The following DPP6 variants were observed in gnomAD, a reference collection of about 807,000 sequenced individuals.
DPP6 encodes the protein A-type potassium channel modulatory protein DPP6.
Under a neutral mutation model 122.6 loss-of-function variants are expected in DPP6, and 69 were observed. That is an observed-to-expected ratio of 0.56 (90% confidence interval 0.46 to 0.69). DPP6 has a LOEUF of 0.69. DPP6 is among the 30% of genes least tolerant of loss of function. The pLI, the probability that DPP6 is intolerant of heterozygous loss-of-function variation, is 0.00. For synonymous variants in DPP6, 418 were observed against 433.1 expected (o/e 0.97, Z 0.43); for missense variants, 928 against 1,116.9 (o/e 0.83, Z 2.41).
At position 154,241,957 on chromosome 7, in the gene DPP6, A is replaced by G. The variant is rs1801650305; in HGVS notation, c.243+188894A>G. Reference sequence around the variant, plus strand: ...AGTAGATGTTAATCAAATTCTTTGCATGTGATTGCTCAGTCTCTTTTAACT... The same window carrying G: ...AGTAGATGTTAATCAAATTCTTTGCGTGTGATTGCTCAGTCTCTTTTAACT... On this transcript the variant is annotated intron_variant, in intron 1 of 25. Transcript: ENST00000377770. This position sits in a 1 kb window ranked among gnomAD's most constrained non-coding sequence, Gnocchi z 9.0. Among the ~76,000 whole-genome samples the G allele has an allele frequency of 6.6e-6, 1 of 152,286 alleles. No homozygotes were observed. The highest frequency in any genetic ancestry group is 2.4e-5 in the African/African-American group (1 of 41,566).
intron 4 of DPP6, among the ~76,000 whole-genome samples, chr7:154,555,540 A>G (rs964717963): frequency 1.1e-4 from 17 of 152,140 alleles, no homozygotes; most frequent in African/African-American, 3.9e-4. Flanking sequence ...TGGGTGCAGC[A>G]CACCAACATG....
chr7:154,239,818 CAAAA>C (rs146860382), intron 1 of DPP6, among the ~76,000 whole-genome samples: 1 of 91,806 alleles, frequency 1.1e-5, no homozygotes, highest in African/African-American at 3.2e-5. Context: ...ACTAAAACTA[CAAAA>C]AAAAAAAAAA....
intron 8 of DPP6, among the ~76,000 whole-genome samples, chr7:154,741,081 C>T (rs140314843): frequency 1.6e-3 from 242 of 152,336 alleles, no homozygotes; most frequent in African/African-American, 5.6e-3. Flanking sequence ...GTCACTCGTT[C>T]TGTGCGTTAG....
intron 1 of DPP6, among the ~76,000 whole-genome samples, chr7:154,044,681 G>T (rs1799931823): frequency 6.6e-6 from 1 of 152,184 alleles, no homozygotes; most frequent in South Asian, 2.1e-4. Context: ...TTAAGTGACG[G>T]TGAAAAATAA....
chr7:154,796,542 T>C (rs1240542870), intron 12 of DPP6, among the ~76,000 whole-genome samples: 5 of 152,360 alleles, frequency 3.3e-5, no homozygotes, highest in African/African-American at 1.2e-4. Context: ...TTCCACACTC[T>C]GACACTAAGA....
the DPP6 span, among the ~76,000 whole-genome samples, chr7:153,794,922 T>C: frequency 1.3e-5 from 2 of 152,162 alleles, no homozygotes; most frequent in African/African-American, 4.8e-5. Context: ...GCCTTTCACC[T>C]CCTGCCATGA....
intron 1 of DPP6, among the ~76,000 whole-genome samples, chr7:154,154,160 A>T (rs1366049840): frequency 2.0e-5 from 3 of 152,212 alleles, no homozygotes; most frequent in Non-Finnish European, 4.4e-5. Context: ...GAAGTGTGGT[A>T]ACTATGACCA....
At chr7:154,799,308 A>G (rs1374417712) in intron 12 of DPP6, among the ~76,000 whole-genome samples, 10 of 152,072 alleles carry the variant, frequency 6.6e-5, no homozygotes, top group Non-Finnish European at 1.5e-4. Flanking sequence ...GAAGAGGAAA[A>G]TGCATGTGTG....
intron 6 of DPP6, among the ~76,000 whole-genome samples, chr7:154,665,942 T>C (rs1838122764): frequency 6.6e-6 from 1 of 151,932 alleles, no homozygotes; most frequent in Admixed American, 6.6e-5. Context: ...AGTCTCAAAA[T>C]TGATCCTCCA....
the DPP6 span, among the ~76,000 whole-genome samples, chr7:153,753,616 A>G: frequency 2.0e-5 from 3 of 151,992 alleles, no homozygotes; most frequent in Admixed American, 6.6e-5. Flanking sequence ...TTAACATTCT[A>G]GTTTTCGTTC....
At chr7:154,556,882 T>C (rs1319564386) in intron 4 of DPP6, among the ~76,000 whole-genome samples, 1 of 151,906 alleles carries the variant, frequency 6.6e-6, no homozygotes, top group Non-Finnish European at 1.5e-5. Context: ...CCTGCTTTGT[T>C]TGGGAAATTG....
At chr7:154,014,354 C>T (rs183545934) in intron 1 of DPP6, among the ~76,000 whole-genome samples, 8 of 144,046 alleles carry the variant, frequency 5.6e-5, no homozygotes, top group Admixed American at 1.4e-4. Context: ...TTCACTACCT[C>T]GTTGTTCTGG....
At chr7:154,703,912 G>C (rs1289636016) in intron 7 of DPP6, among the ~76,000 whole-genome samples, 1 of 151,968 alleles carries the variant, frequency 6.6e-6, no homozygotes, top group Non-Finnish European at 1.5e-5. Flanking sequence ...GCTCCAGCCT[G>C]GGTGACAGAG....
intron 8 of DPP6, among the ~76,000 whole-genome samples, chr7:154,753,815 C>T (rs957323620): frequency 1.3e-5 from 2 of 152,134 alleles, no homozygotes; most frequent in African/African-American, 2.4e-5. Context: ...AAGCGGCATG[C>T]GGACATCTGT....
intron 1 of DPP6, among the ~76,000 whole-genome samples, chr7:153,942,313 A>G (rs1043929227): frequency 6.6e-6 from 1 of 152,180 alleles, no homozygotes; most frequent in Non-Finnish European, 1.5e-5. Flanking sequence ...ATTTGCATTT[A>G]AACTGCACAC....
At chr7:154,359,800 G>A (rs150187504) in intron 1 of DPP6, among the ~76,000 whole-genome samples, 25 of 152,200 alleles carry the variant, frequency 1.6e-4, no homozygotes, top group Non-Finnish European at 2.8e-4. Context: ...TTAATGAGAG[G>A]CAGTCAGATA....
At position 154,807,142 on chromosome 7, in the gene DPP6, G is replaced by A. The variant is rs766808630; in HGVS notation, c.1666+30G>A. On this transcript the variant is annotated intron_variant, in intron 16 of 25. Transcript: ENST00000377770. ...GCTCCTGCCACCCCGTCAGGGCAAA[G>A]AGCCCTGGCAGGCACATTTGCAGGG... The A allele has an allele frequency of 1.4e-5, 23 of 1,607,244 alleles. No homozygotes were observed. In the African/African-American group the frequency reaches 2.1e-4, roughly 15 times the overall value.
chr7:154,056,019 A>C (rs2533718), intron 1 of DPP6: 2 of 152,106 alleles, frequency 1.3e-5, no homozygotes, highest in Non-Finnish European at 2.9e-5. Context: ...CCCAGCCACA[A>C]CCCAAATAAA....
intron 1 of DPP6, among the ~76,000 whole-genome samples, chr7:154,125,900 G>A (rs1343341666): frequency 6.6e-6 from 1 of 152,158 alleles, no homozygotes; most frequent in African/African-American, 2.4e-5. Flanking sequence ...CAGCTTTGTG[G>A]TACCTGATTA....
Sources: allele counts gnomAD v4.1 joint callset (sites outside exome capture counted in the v4.1 genomes callset), GRCh38; gene constraint gnomAD v4.1.1; non-coding constraint Gnocchi (gnomAD v3.1); transcripts MANE v1.5; gene names NCBI Gene and HGNC (gene_info 2026-07-23, HGNC 2026-07-21).